Variants in DAPK2 observed in about 807,000 individuals in gnomAD.
The protein encoded by DAPK2 is death associated protein kinase 2, also known as death-associated protein kinase 2.
A neutral mutation model predicts 44.1 loss-of-function variants in DAPK2; 35 were observed. The observed-to-expected ratio is 0.79, with a 90% confidence interval of 0.61 to 1.05. The LOEUF (loss-of-function observed/expected upper bound fraction) is 1.05. DAPK2 is among the 50% of genes least tolerant of loss of function. DAPK2 has a pLI of 0.00. For synonymous variants in DAPK2, 174 were observed against 182.6 expected (o/e 0.95, Z 0.38); for missense variants, 453 against 483.2 (o/e 0.94, Z 0.59).
Position 63,912,254 on chromosome 15 carries a change from TC to T in DAPK2, c.859-58del. On this transcript the variant is annotated intron_variant, in intron 8 of 10. Coordinates refer to ENST00000261891, the Ensembl canonical transcript of DAPK2. The surrounding 1 kb of genome is among the most constrained non-coding windows in gnomAD (Gnocchi z 4.4). ...GCTGGGCTTCAGACAGCAGCCACCC[TC>T]CTCGCCGCAGAACTCCCCACCCACC... 1 of 1,565,970 alleles carries T rather than the reference TC, an allele frequency of 6.4e-7. No individual in the cohort carries two copies. The highest frequency in any genetic ancestry group is 1.1e-5 in the South Asian group (1 of 89,388).
chr15:64,046,378 C>G (rs1259320312), upstream of DAPK2: 2 of 380,898 alleles, frequency 5.3e-6, no homozygotes, highest in African/African-American at 2.2e-5. This position sits in a 1 kb window ranked among gnomAD's most constrained non-coding sequence, Gnocchi z 5.3. Context: ...GCGGGCGCGG[C>G]GGGCGCGGCG....
chr15:63,912,298 G>A lies in DAPK2; in HGVS notation c.859-101C>T, dbSNP rs2078819945. The A allele has an allele frequency of 9.1e-6, 11 of 1,209,976 alleles. No homozygotes were observed. The Admixed American group carries it at 1.1e-4, about 12-fold the overall frequency. The allele number at this position is 1,209,976 out of a possible 1,614,324, so 75.0% of individuals were successfully genotyped here. ...CACCCACCGCATGCCCACCGCCCTT[G>A]GCTTGACCCTGGCATCTCCCCGCCA... On this transcript the variant is annotated intron_variant, in intron 8 of 10. Transcript: ENST00000261891. This position sits in a 1 kb window ranked among gnomAD's most constrained non-coding sequence, Gnocchi z 4.4.
chr15:63,922,108 T>C (rs1234416733), intron 8 of DAPK2: 1 of 186,374 alleles, frequency 5.4e-6, no homozygotes, highest in African/African-American at 2.4e-5. Flanking sequence ...TCATTTTCCC[T>C]CTCTGAGTCA....
In DAPK2 at chr15:63,990,413, G is replaced by A. The variant is rs1037064894; in HGVS notation, c.93-6659C>T. 2.1e-5 allele frequency among the ~76,000 whole-genome samples: 2 copies of A among 95,386 alleles called. No individual in the cohort carries two copies. Among genetic ancestry groups the A allele is most frequent in the African/African-American group, 7.3e-5 (2 of 27,298 alleles). The allele number at this position is 95,386 out of a possible 152,430, so 62.6% of individuals were successfully genotyped here. On this transcript the variant is annotated intron_variant, in intron 1 of 10. Coordinates refer to ENST00000261891, the Ensembl canonical transcript of DAPK2. The surrounding 1 kb of genome is among the most constrained non-coding windows in gnomAD (Gnocchi z 4.3). ...GCTGCACTCCAGCCTGGGTGACAGAGCAAGACTCCATCTAGAAAAAGAAAA... is the reference window on the plus strand; with the variant it reads ...GCTGCACTCCAGCCTGGGTGACAGAACAAGACTCCATCTAGAAAAAGAAAA...
intron 1 of DAPK2, among the ~76,000 whole-genome samples, chr15:64,018,822 T>G (rs2079605587): frequency 1.3e-5 from 2 of 152,298 alleles, no homozygotes; most frequent in Middle Eastern, 3.4e-3. Context: ...TGTTTTCTGT[T>G]GCAAAACTCT....
chr15:63,971,318 G>C, intron 3 of DAPK2, 105 bp downstream of exon 4: 1 of 1,370,142 alleles, frequency 7.3e-7, no homozygotes, highest in Non-Finnish European at 1.0e-6. Context: ...TGTAAGATGA[G>C]AAAGAAGGGC....
intron 10 of DAPK2, 48 bp downstream of exon 11, chr15:63,911,860 C>T (rs959230803): frequency 5.7e-6 from 9 of 1,591,514 alleles, no homozygotes; most frequent in Non-Finnish European, 5.1e-6. Context: ...CCCTGAGCTC[C>T]AGGCTACCCC....
intron 1 of DAPK2, among the ~76,000 whole-genome samples, chr15:63,992,339 ACCACCCACCAC>A (rs2078842207): frequency 6.6e-6 from 1 of 151,980 alleles, no homozygotes; most frequent in Non-Finnish European, 1.5e-5. Flanking sequence ...CTTGGAAGGT[ACCACCCACCAC>A]CCACCCACCT....
At chr15:63,963,159 G>A (rs1376071435) in intron 3 of DAPK2, among the ~76,000 whole-genome samples, 3 of 152,222 alleles carry the variant, frequency 2.0e-5, no homozygotes, top group South Asian at 4.1e-4. Context: ...CCAGGCACGG[G>A]ATACAATCTC....
At chr15:64,039,709 A>T (rs1358243732) in intron 1 of DAPK2, among the ~76,000 whole-genome samples, 2 of 152,194 alleles carry the variant, frequency 1.3e-5, no homozygotes, top group African/African-American at 2.4e-5. Context: ...AAACTTCATG[A>T]TGGGGCTCGT....
In DAPK2 at chr15:63,912,083, C is replaced by T. The variant is rs552799151; in HGVS notation, c.948+25G>A. 1.2e-6 allele frequency: 2 copies of T among 1,606,550 alleles called. No homozygotes were observed. The highest frequency in any genetic ancestry group is 1.1e-5 in the South Asian group (1 of 89,984). On this transcript the variant is annotated intron_variant, in intron 9 of 10. Transcript: ENST00000261891. This position sits in a 1 kb window ranked among gnomAD's most constrained non-coding sequence, Gnocchi z 4.4. ...CCCCGCCCTAGCCCCCACCCTGTCCCCCGCCGCCCCAACCCTGGACACACC... is the reference window on the plus strand; with the variant it reads ...CCCCGCCCTAGCCCCCACCCTGTCCTCCGCCGCCCCAACCCTGGACACACC...
chr15:64,029,093 A>C (rs1199977296), intron 1 of DAPK2, among the ~76,000 whole-genome samples: 1 of 152,142 alleles, frequency 6.6e-6, no homozygotes, highest in Non-Finnish European at 1.5e-5. Context: ...TATCCAGAAG[A>C]TACAGGCCCA....
At chr15:63,930,512 T>A in intron 4 of DAPK2, 57 bp from the exon 6 acceptor site, 1 of 1,468,250 alleles carries the variant, frequency 6.8e-7, no homozygotes, top group Non-Finnish European at 9.5e-7. Context: ...GGAGAGATGG[T>A]TTTAGGGAAT....
At chr15:63,915,718 C>T (rs2078909601) in intron 8 of DAPK2, among the ~76,000 whole-genome samples, 2 of 152,094 alleles carry the variant, frequency 1.3e-5, no homozygotes, top group Non-Finnish European at 2.9e-5. Context: ...TTTTGAGGGC[C>T]CTGTTTATAG....
chr15:63,982,254 A>C (rs1441517267), intron 2 of DAPK2, among the ~76,000 whole-genome samples: 1 of 141,838 alleles, frequency 7.1e-6, no homozygotes, highest in East Asian at 2.1e-4. Context: ...GCAGTGATGC[A>C]ATCTCGGCTT....
intron 1 of DAPK2, among the ~76,000 whole-genome samples, chr15:64,034,926 G>T (rs1257953210): frequency 6.6e-6 from 1 of 152,134 alleles, no homozygotes; most frequent in Admixed American, 6.5e-5. Flanking sequence ...CCAGCACTTC[G>T]GGAGGCCGAG....
At chr15:64,035,251 T>C (rs2080147111) in intron 1 of DAPK2, among the ~76,000 whole-genome samples, 1 of 152,124 alleles carries the variant, frequency 6.6e-6, no homozygotes, top group South Asian at 2.1e-4. Flanking sequence ...GCTGCTTACG[T>C]TAAATTACTT....
chr15:63,937,605 C>T (rs150966217), intron 4 of DAPK2, among the ~76,000 whole-genome samples: 1 of 152,288 alleles, frequency 6.6e-6, no homozygotes, highest in Non-Finnish European at 1.5e-5. Context: ...ACCTCTCCCA[C>T]TCCAACACCA....
chr15:63,983,630 G>A (rs553905161), exon 2 of DAPK2: 32 of 1,614,136 alleles, frequency 2.0e-5, no homozygotes, highest in Non-Finnish European at 2.5e-5. Context: ...CTCACCTCCC[G>A]CTCGATCTCC....
Sources: gnomAD v4.1 joint callset for allele counts (sites outside exome capture counted in the v4.1 genomes callset) on GRCh38, gnomAD v4.1.1 for gene constraint, Gnocchi (gnomAD v3.1) non-coding constraint, MANE v1.5 for transcripts, NCBI Gene and HGNC (gene_info 2026-07-23, HGNC 2026-07-21) for gene names.